The following PPWD1 variants were observed in gnomAD, a reference collection of about 807,000 sequenced individuals.
PPWD1 encodes peptidylprolyl isomerase domain and WD repeat containing 1.
Under a neutral mutation model 68.8 loss-of-function variants are expected in PPWD1, and 43 were observed. That is an observed-to-expected ratio of 0.62 (90% CI 0.49 to 0.81). The LOEUF (loss-of-function observed/expected upper bound fraction) is 0.81. Among genes scored for constraint, PPWD1 ranks in the 30% least tolerant of loss-of-function variants. The probability of loss-of-function intolerance (pLI) is 0.00; values close to 1 mark genes in which losing one functional copy is unlikely to be tolerated. For synonymous variants in PPWD1, 232 were observed against 258.7 expected (o/e 0.90, Z 0.99); for missense variants, 672 against 804.8 (o/e 0.83, Z 2.00).
At chr5:65,583,541 T>C (rs1293516963) in intron 8 of PPWD1, among the ~76,000 whole-genome samples, 1 of 152,230 alleles carries the variant, frequency 6.6e-6, no homozygotes, top group Non-Finnish European at 1.5e-5. Context: ...GTTTTGTGGA[T>C]TGCTTTGCTT....
In PPWD1 at chr5:65,563,516, G is replaced by A. The variant is rs114746088; in HGVS notation, c.196+10G>A. 8,616 of 1,606,426 alleles carry A rather than the reference G, an allele frequency of 5.4e-3. 162 individuals carry two copies. In the African/African-American group the frequency reaches 0.061, roughly 11 times the overall value. On this transcript the variant is annotated intron_variant, in intron 1 of 10. Coordinates refer to ENST00000261308, the MANE Select transcript of PPWD1 (RefSeq NM_015342.4). ...GCCAAGAAGAGGAAAGGTAGCTGCA[G>A]ACATAGTACCGGGACGAATTGGAGT...
intron 2 of PPWD1, chr5:65,569,050 T>TA (rs1162147523): frequency 8.8e-6 from 4 of 455,148 alleles, no homozygotes; most frequent in South Asian, 6.2e-5. Context: ...ATGATAAAAA[T>TA]ACGTAGAGTT....
At chr5:65,567,771 C>T (rs1385438998) in intron 2 of PPWD1, 156 bp downstream of exon 2, 5 of 1,267,824 alleles carry the variant, frequency 3.9e-6, no homozygotes, top group Non-Finnish European at 1.0e-6. Flanking sequence ...TTTCCTATAT[C>T]GTACAAATAA....
chr5:65,569,224 T>G (rs867979845), intron 2 of PPWD1: 9 of 306,198 alleles, frequency 2.9e-5, no homozygotes, highest in Non-Finnish European at 4.4e-5. Context: ...AAAAAAACTT[T>G]TGTTGAATTT....
At chr5:65,563,762 C>T (rs1752469253) in intron 1 of PPWD1, 1 of 1,465,112 alleles carries the variant, frequency 6.8e-7, no homozygotes, top group African/African-American at 1.4e-5. Flanking sequence ...TAACATTTTC[C>T]TATTCTTATG....
At position 65,585,822 on chromosome 5, in the gene PPWD1, G is replaced by C. The variant is rs183185034; in HGVS notation, c.1615-177G>C. ...TTTGCATTTATGTTTCAATCAAGGT[G>C]GTGGTTGGGCAATGGAAATACATCA... On this transcript the variant is annotated intron_variant, in intron 9 of 10. Coordinates refer to ENST00000261308, the MANE Select transcript of PPWD1 (RefSeq NM_015342.4). The C allele has an allele frequency of 5.2e-5, 35 of 674,002 alleles. No homozygotes were observed. In the Admixed American group the frequency reaches 2.2e-3, roughly 42 times the overall value. 41.8% of individuals were successfully genotyped at this position (674,002 alleles called of 1,614,324 possible).
chr5:65,576,664 C>T (rs1157638315), intron 5 of PPWD1, among the ~76,000 whole-genome samples: 1 of 152,150 alleles, frequency 6.6e-6, no homozygotes, highest in African/African-American at 2.4e-5. Context: ...CATAAGCCAC[C>T]ATGCCCAGCC....
At chr5:65,573,829 C>T (rs907933226) in intron 5 of PPWD1, among the ~76,000 whole-genome samples, 3 of 152,028 alleles carry the variant, frequency 2.0e-5, no homozygotes, top group Non-Finnish European at 4.4e-5. Flanking sequence ...AGAACAGTAC[C>T]TCACACAAGA....
intron 5 of PPWD1, among the ~76,000 whole-genome samples, 170 bp downstream of exon 5, chr5:65,572,456 GTCTCT>G (rs1470368414): frequency 1.3e-5 from 2 of 152,234 alleles, no homozygotes; most frequent in South Asian, 2.1e-4. Context: ...CTCTTTGAAA[GTCTCT>G]TCTCTAGGGG....
chr5:65,575,435 T>C (rs559625842), intron 5 of PPWD1, among the ~76,000 whole-genome samples: 1 of 152,356 alleles, frequency 6.6e-6, no homozygotes, highest in South Asian at 2.1e-4. Flanking sequence ...GACCTTGACC[T>C]TGTGCTTATA....
At chr5:65,569,025 C>T (rs1365086378) in intron 2 of PPWD1, 2 of 455,436 alleles carry the variant, frequency 4.4e-6, no homozygotes, top group Non-Finnish European at 4.4e-6. Context: ...AAAACTATTT[C>T]CTACTTATAA....
At chr5:65,564,086 G>A in intron 1 of PPWD1, 1 of 525,916 alleles carries the variant, frequency 1.9e-6, no homozygotes, top group Non-Finnish European at 3.4e-6. Context: ...CTCTTGATAC[G>A]ATGGGCTGAG....
chr5:65,564,033 T>G, intron 1 of PPWD1: 2 of 584,706 alleles, frequency 3.4e-6, no homozygotes, highest in Non-Finnish European at 5.9e-6. Context: ...GATCACAGAT[T>G]TGTTTTCATC....
chr5:65,578,751 C>CATATATGTGTGTATATATATACAT lies in PPWD1; in HGVS notation c.1161-663_1161-662insGTATATATATACATATATATGTGT, dbSNP rs1561729269. ...ATATATATACATATATATATACACACATATATGTGTATATATATATACATA... is the reference window on the plus strand; with the variant it reads ...ATATATATACATATATATATACACACATATATGTGTGTATATATATACATATATATGTGTATATATATATACATA... On this transcript the variant is annotated intron_variant, in intron 6 of 10. Coordinates refer to ENST00000261308, the MANE Select transcript of PPWD1 (RefSeq NM_015342.4). 9.1e-4 allele frequency among the ~76,000 whole-genome samples: 126 copies of CATATATGTGTGTATATATATACAT among 138,446 alleles called. 1 individual carries two copies. Among genetic ancestry groups the CATATATGTGTGTATATATATACAT allele is most frequent in the African/African-American group, 3.4e-3 (124 of 36,602 alleles). 90.8% of individuals were successfully genotyped at this position (138,446 alleles called of 152,430 possible). A position where few individuals can be genotyped will look rare whatever the true frequency, so the allele number is the denominator to read the frequency against.
intron 1 of PPWD1, among the ~76,000 whole-genome samples, chr5:65,566,808 A>C (rs1418280130): frequency 6.0e-4 from 69 of 114,468 alleles, no homozygotes; most frequent in Admixed American, 9.5e-4. Flanking sequence ...CATTCTCTCC[A>C]TCCCTTTCTT....
intron 1 of PPWD1, 144 bp from the exon 2 acceptor site, chr5:65,567,369 A>AT: frequency 8.0e-7 from 1 of 1,251,440 alleles, no homozygotes; most frequent in Non-Finnish European, 1.1e-6. Context: ...AACATACTGG[A>AT]TTTTTTAATT....
chr5:65,566,748 T>C (rs1752787877), intron 1 of PPWD1, among the ~76,000 whole-genome samples: 1 of 149,878 alleles, frequency 6.7e-6, no homozygotes, highest in Non-Finnish European at 1.5e-5. Context: ...TCTCCCTCCC[T>C]CCCTTCGTCT....
intron 7 of PPWD1, among the ~76,000 whole-genome samples, chr5:65,580,826 T>G (rs796319617): frequency 1.3e-5 from 2 of 152,312 alleles, no homozygotes; most frequent in African/African-American, 4.8e-5. Context: ...GAAGCCCTTT[T>G]TAACATCAAG....
chr5:65,586,362 AAAC>A lies in PPWD1; in HGVS notation c.1797+184_1797+186del, dbSNP rs570337113. Reference sequence around the variant, plus strand: ...GTGACTAATCAGTTTAGAATTGGTAAAACAATACTGCCACTGTAGTAAGAAATA... The same window carrying A: ...GTGACTAATCAGTTTAGAATTGGTAAAATACTGCCACTGTAGTAAGAAATA... On this transcript the variant is annotated intron_variant, in intron 10 of 10. Transcript: ENST00000261308. Among the ~76,000 whole-genome samples, 912 of 152,306 alleles carry A rather than the reference AAAC, an allele frequency of 6.0e-3. 4 individuals are homozygous for A. The highest frequency in any genetic ancestry group is 0.021 in the African/African-American group (866 of 41,566).
Sources: gnomAD v4.1 joint callset for allele counts (sites outside exome capture counted in the v4.1 genomes callset) on GRCh38, gnomAD v4.1.1 for gene constraint, MANE v1.5 for transcripts, NCBI Gene and HGNC (gene_info 2026-07-23, HGNC 2026-07-21) for gene names.